ODAD1: variants seen among roughly 807,000 people sequenced by gnomAD.
ODAD1 encodes outer dynein arm-docking complex subunit 1.
In ODAD1, 49 loss-of-function variants were observed where a neutral mutation model predicts 67.2. That is an observed-to-expected ratio of 0.73 (90% CI 0.58 to 0.92). ODAD1 has a LOEUF of 0.92. Among genes scored for constraint, ODAD1 ranks in the 40% least tolerant of loss-of-function variants. The probability of loss-of-function intolerance (pLI) is 0.00; values close to 1 mark genes in which losing one functional copy is unlikely to be tolerated. For missense variants in ODAD1, 897 were observed against 953.7 expected (o/e 0.94, Z 0.78); for synonymous variants, 345 against 393.7 (o/e 0.88, Z 1.46).
At position 48,302,827 on chromosome 19, in the gene ODAD1, C is replaced by G; in HGVS notation, c.1107G>C (p.Lys369Asn). 6.2e-7 allele frequency: 1 copy of G among 1,614,026 alleles called. No homozygotes were observed. The highest frequency in any genetic ancestry group is 8.5e-7 in the Non-Finnish European group (1 of 1,179,976). The change falls in exon 12 of 16, where the codon AAG (lysine) becomes AAC (asparagine). Residue 369 changes from lysine (K) to asparagine (N), a missense_variant. Physicochemically the swap from Lys to Asn is moderately conservative, Grantham distance 94. Transcript: ENST00000674294. ...QEALVSARAS[K>N]DDQHLLQEQQ... ...GCTCCTGCAGCAAATGCTGGTCATC[C>G]TTGCTGGCACGTGCGCTCACCAAAG...
At chr19:48,298,373 G>GACA (rs1466532418) in intron 12 of ODAD1, 33 bp from the exon 13 acceptor site, 3 of 1,609,830 alleles carry the variant, frequency 1.9e-6, no homozygotes, top group Non-Finnish European at 2.5e-6. Flanking sequence ...TCAGGGATCT[G>GACA]GCACCGCCAG....
chr19:48,318,045 C>T lies in ODAD1; in HGVS notation c.360+342G>A, dbSNP rs189661059. Among the ~76,000 whole-genome samples the T allele has an allele frequency of 1.1e-4, 16 of 152,214 alleles. No individual in the cohort carries two copies. In the East Asian group the frequency reaches 3.1e-3, roughly 29 times the overall value. Reference sequence around the variant, plus strand: ...CCGAGATTGTGCCAATGCACTCCAGCCTGGGCGACAGAGCAAGACTCCGTC... The same window carrying T: ...CCGAGATTGTGCCAATGCACTCCAGTCTGGGCGACAGAGCAAGACTCCGTC... On this transcript the variant is annotated intron_variant, in intron 5 of 15. Transcript: ENST00000674294.
At chr19:48,305,405 T>C (rs1483503303) in intron 8 of ODAD1, among the ~76,000 whole-genome samples, 2 of 150,140 alleles carry the variant, frequency 1.3e-5, no homozygotes, top group African/African-American at 4.9e-5. Context: ...AGATGCGCTT[T>C]TTTTTTTTTT....
intron 12 of ODAD1, among the ~76,000 whole-genome samples, chr19:48,301,613 A>C (rs1968465188): frequency 6.6e-6 from 1 of 152,268 alleles, no homozygotes; most frequent in South Asian, 2.1e-4. Flanking sequence ...TAGGAAGACA[A>C]AAGTCAAATG....
In ODAD1 at chr19:48,298,248, C is replaced by T. The variant is rs1343426386; in HGVS notation, c.1333G>A (p.Gly445Ser). 9 of 1,613,948 alleles carry T rather than the reference C, an allele frequency of 5.6e-6. No homozygotes were observed. The highest frequency in any genetic ancestry group is 7.6e-6 in the Non-Finnish European group (9 of 1,180,030). Residue 445 changes from glycine (G) to serine (S), a missense_variant, in exon 13 of 16, where the codon GGC (glycine) becomes AGC (serine). By Grantham distance (56) the Gly-to-Ser change is moderately conservative (BLOSUM62 0). Coordinates refer to ENST00000674294, the MANE Select transcript of ODAD1 (RefSeq NM_001364171.2). Reference sequence around the variant, plus strand: ...TTCTCAATGAGGCTCAGGAAGAGGCCCATGTCCCGGTCTCCCATGCTGGTC... The same window carrying T: ...TTCTCAATGAGGCTCAGGAAGAGGCTCATGTCCCGGTCTCCCATGCTGGTC... Reference protein sequence around the residue: ...VKTSMGDRDMGLFLSLIEKRL... With the variant: ...VKTSMGDRDMSLFLSLIEKRL...
chr19:48,302,753 G>C lies in ODAD1; in HGVS notation c.1181C>G (p.Ala394Gly). Reference protein sequence around the residue: ...QQRMDKVHSEAERLEARFQDV... With the variant: ...QQRMDKVHSEGERLEARFQDV... ...CTGGAAGCGGGCCTCAAGGCGCTCA[G>C]CCTCCGAGTGCACCTTGTCCATGCG... is the stretch of plus-strand genomic sequence containing the variant. The change falls in exon 12 of 16, where the codon GCT (alanine) becomes GGT (glycine). Residue 394 changes from alanine (A) to glycine (G), a missense_variant. Coordinates refer to ENST00000674294, the MANE Select transcript of ODAD1 (RefSeq NM_001364171.2). 1 of 1,613,580 alleles carries C rather than the reference G, an allele frequency of 6.2e-7. No homozygotes were observed. The highest frequency in any genetic ancestry group is 8.5e-7 in the Non-Finnish European group (1 of 1,180,030).
intron 7 of ODAD1, among the ~76,000 whole-genome samples, chr19:48,308,463 A>T (rs1968675113): frequency 6.6e-6 from 1 of 152,246 alleles, no homozygotes. Flanking sequence ...GGCATGAGCC[A>T]CCACACCCAG....
rs866577259 is a variant in ODAD1 at position 48,296,654 on chromosome 19, G to A, written c.*322C>T. 44 of 593,546 alleles carry A rather than the reference G, an allele frequency of 7.4e-5. No homozygotes were observed. In the African/African-American group the frequency reaches 7.5e-4, roughly 10 times the overall value. The allele number at this position is 593,546 out of a possible 1,614,324, so 36.8% of individuals were successfully genotyped here. A position where few individuals can be genotyped will look rare whatever the true frequency, so the allele number is the denominator to read the frequency against. On this transcript the variant is annotated 3_prime_UTR_variant, in exon 16 of 16. Transcript: ENST00000674294. ...AGAGAGAGCCGGAAACAGGAGGTGG[G>A]GGATCCACAGGGGGCCAGGGCTCAG... is the stretch of plus-strand genomic sequence containing the variant.
intron 3 of ODAD1, 135 bp from the exon 4 acceptor site, chr19:48,318,947 C>G (rs1056224306): frequency 1.6e-6 from 1 of 622,144 alleles, no homozygotes; most frequent in African/African-American, 1.8e-5. Context: ...CCCAACACCC[C>G]TCTAGGAATG....
At chr19:48,303,580 G>C in intron 10 of ODAD1, 70 bp downstream of exon 10, 1 of 1,576,898 alleles carries the variant, frequency 6.3e-7, no homozygotes, top group South Asian at 1.1e-5. Context: ...CAGAGCTGAG[G>C]CCAGCCTGCA....
At chr19:48,313,115 G>T (rs1382962687) in intron 5 of ODAD1, among the ~76,000 whole-genome samples, 1 of 152,070 alleles carries the variant, frequency 6.6e-6, no homozygotes, top group East Asian at 1.9e-4. Context: ...TCTGTTATGG[G>T]TTGAATCATG....
chr19:48,313,257 C>G (rs1342785077), intron 5 of ODAD1, among the ~76,000 whole-genome samples: 2 of 151,836 alleles, frequency 1.3e-5, no homozygotes, highest in Admixed American at 6.6e-5. Context: ...GGCGAAACCC[C>G]ACCTCTACTA....
chr19:48,299,307 A>T (rs1285426769), intron 12 of ODAD1, among the ~76,000 whole-genome samples: 1 of 152,196 alleles, frequency 6.6e-6, no homozygotes, highest in Admixed American at 6.5e-5. Context: ...GTTACTGGAG[A>T]GGCTGAGGCA....
At position 48,321,746 on chromosome 19, in the gene ODAD1, C is replaced by T. The variant is rs1600878827; in HGVS notation, c.-132G>A. 1.0e-5 allele frequency: 4 copies of T among 398,164 alleles called. No homozygotes were observed. 24.7% of individuals were successfully genotyped at this position (398,164 alleles called of 1,614,324 possible). A position where few individuals can be genotyped will look rare whatever the true frequency, so the allele number is the denominator to read the frequency against. ...CTGTATGGAAGCCCTCGAAGCCAGG[C>T]CGAGGTCCTACAAGACGGAGCCCGA... On this transcript the variant is annotated 5_prime_UTR_variant, in exon 1 of 16. Coordinates refer to ENST00000674294, the MANE Select transcript of ODAD1 (RefSeq NM_001364171.2).
chr19:48,318,692 G>T (rs1453408674), intron 4 of ODAD1, 21 bp downstream of exon 4: 1 of 1,542,736 alleles, frequency 6.5e-7, no homozygotes, highest in Non-Finnish European at 8.8e-7. Context: ...CCCCAGCTCA[G>T]GGCCCAGGCG....
chr19:48,316,605 C>T (rs2147334081), intron 5 of ODAD1, among the ~76,000 whole-genome samples: 1 of 152,274 alleles, frequency 6.6e-6, no homozygotes, highest in Admixed American at 6.5e-5. Flanking sequence ...CCAGTCTGGA[C>T]CTTGTCTTTT....
intron 5 of ODAD1, among the ~76,000 whole-genome samples, chr19:48,315,183 C>T (rs1413797357): frequency 6.6e-6 from 1 of 151,944 alleles, no homozygotes; most frequent in African/African-American, 2.4e-5. Context: ...CAGGCTCAAG[C>T]AATCCTCCTG....
In ODAD1 at chr19:48,298,198, C is replaced by G; in HGVS notation, c.1383G>C (p.Val461=). The stretch of plus-strand genomic sequence containing the variant: ...CCACCTGGGCATGTAGGAAGGCCTG[C>G]ACTGTCAGGAGCTCCACCAGCCGCT... ...IEKRLVELLT[V]QAFLHAQSFT... The change falls in exon 13 of 16, where the codon GTG becomes GTC. Residue 461 remains valine, a synonymous_variant. Coordinates refer to ENST00000674294, the MANE Select transcript of ODAD1 (RefSeq NM_001364171.2). 1 of 1,613,480 alleles carries G rather than the reference C, an allele frequency of 6.2e-7. No homozygotes were observed. Among genetic ancestry groups the G allele is most frequent in the Non-Finnish European group, 8.5e-7 (1 of 1,179,998 alleles).
chr19:48,321,853 C>G lies in ODAD1; in HGVS notation c.-239G>C. 1 of 398,610 alleles carries G rather than the reference C, an allele frequency of 2.5e-6. No homozygotes were observed. Among genetic ancestry groups the G allele is most frequent in the Non-Finnish European group, 4.4e-6 (1 of 226,030 alleles). The allele number at this position is 398,610 out of a possible 1,614,324, so 24.7% of individuals were successfully genotyped here. A position where few individuals can be genotyped will look rare whatever the true frequency, so the allele number is the denominator to read the frequency against. ...AAGGCGGTGTCGAAGCCGGGAGTTG[C>G]GCGGAGAAGGAGCGCTCAACACAGC... On this transcript the variant is annotated 5_prime_UTR_variant, in exon 1 of 16. Transcript: ENST00000674294.
Sources: gnomAD v4.1 joint callset for allele counts (sites outside exome capture counted in the v4.1 genomes callset) on GRCh38, gnomAD v4.1.1 for gene constraint, MANE v1.5 for transcripts, NCBI Gene and HGNC (gene_info 2026-07-23, HGNC 2026-07-21) for gene names.